The following JMY variants were observed in gnomAD, a reference collection of about 807,000 sequenced individuals.
JMY encodes the protein junction-mediating and -regulatory protein.
JMY carries 46 observed loss-of-function variants against 103.3 expected under a neutral mutation model. The observed-to-expected ratio is 0.45, with a 90% CI of 0.35 to 0.57. The LOEUF (loss-of-function observed/expected upper bound fraction) is 0.57, where lower values mean the gene tolerates loss of function less well. JMY is among the 20% of genes least tolerant of loss of function. JMY has a pLI of 0.00. For synonymous variants in JMY, 526 were observed against 489.3 expected (o/e 1.07, Z -0.99); for missense variants, 1,238 against 1,255.2 (o/e 0.99, Z 0.21).
intron 4 of JMY, among the ~76,000 whole-genome samples, chr5:79,298,641 A>C (rs1288796338): frequency 1.3e-5 from 2 of 152,254 alleles, no homozygotes; most frequent in African/African-American, 2.4e-5. Flanking sequence ...ACAGTCTTAC[A>C]CTTAGATAAT....
chr5:79,282,003 A>C (rs1334171536), intron 2 of JMY, among the ~76,000 whole-genome samples: 1 of 152,102 alleles, frequency 6.6e-6, no homozygotes, highest in Non-Finnish European at 1.5e-5. Flanking sequence ...CAGGAGATGG[A>C]GACCACACTG....
chr5:79,307,595 G>A (rs897542018), intron 7 of JMY, among the ~76,000 whole-genome samples: 20 of 152,022 alleles, frequency 1.3e-4, no homozygotes, highest in African/African-American at 4.6e-4. Flanking sequence ...ATGGACTCCT[G>A]TGCCTGGCTT....
In JMY at chr5:79,236,366, G is replaced by A. The variant is rs576109498; in HGVS notation, c.-285G>A. On this transcript the variant is annotated 5_prime_UTR_variant, in exon 1 of 11. Coordinates refer to ENST00000396137, the MANE Select transcript of JMY (RefSeq NM_152405.5). ...CGCGCGGGGGGCGGCGGGCGGCCGCGAGGCGCTGCGGCAGCGCGGAGCTTG... is the reference window on the plus strand; with the variant it reads ...CGCGCGGGGGGCGGCGGGCGGCCGCAAGGCGCTGCGGCAGCGCGGAGCTTG... 7 of 262,816 alleles carry A rather than the reference G, an allele frequency of 2.7e-5. No homozygotes were observed. In the South Asian group the frequency reaches 1.0e-3, roughly 38 times the overall value. The allele number at this position is 262,816 out of a possible 1,614,324, so 16.3% of individuals were successfully genotyped here.
At chr5:79,302,880 G>A (rs1310542216) in intron 6 of JMY, among the ~76,000 whole-genome samples, 2 of 152,186 alleles carry the variant, frequency 1.3e-5, no homozygotes, top group Non-Finnish European at 2.9e-5. Flanking sequence ...GGGTGCCTGT[G>A]CAGGGTAAGA....
chr5:79,251,625 ATT>A (rs796459953), intron 1 of JMY, among the ~76,000 whole-genome samples: 21 of 137,766 alleles, frequency 1.5e-4, no homozygotes, highest in Admixed American at 2.9e-4. Flanking sequence ...CATTCATTCT[ATT>A]TTTTTTTTTT....
intron 4 of JMY, among the ~76,000 whole-genome samples, chr5:79,296,689 A>C (rs537312186): frequency 1.3e-4 from 20 of 152,296 alleles, no homozygotes; most frequent in Non-Finnish European, 2.2e-4. Context: ...TGTTGACTGC[A>C]TATTTTCTGT....
intron 2 of JMY, among the ~76,000 whole-genome samples, chr5:79,283,104 G>A (rs149194111): frequency 0.03 from 4,622 of 152,004 alleles, 85 homozygotes; most frequent in South Asian, 0.062. Context: ...CAATTCTCCT[G>A]CCTCAGCCTC....
intron 1 of JMY, among the ~76,000 whole-genome samples, chr5:79,241,078 T>C (rs1053360804): frequency 3.3e-5 from 5 of 152,238 alleles, no homozygotes; most frequent in Admixed American, 3.3e-4. Context: ...TGGTCTTTTT[T>C]CCTACAGTAT....
chr5:79,316,547 C>T (rs137902698), intron 10 of JMY, among the ~76,000 whole-genome samples: 51 of 152,170 alleles, frequency 3.4e-4, no homozygotes, highest in African/African-American at 1.2e-3. Flanking sequence ...ATGTCCTCCT[C>T]ATTAAAAATT....
chr5:79,249,889 T>C (rs1473896068), intron 1 of JMY, among the ~76,000 whole-genome samples: 3 of 152,264 alleles, frequency 2.0e-5, no homozygotes, highest in South Asian at 2.1e-4. Flanking sequence ...GGTTCATACC[T>C]CACTTCTACT....
rs1580318254 is a variant in JMY at position 79,236,223 on chromosome 5, C to G, written c.-428C>G. The G allele has an allele frequency of 6.4e-6, 1 of 157,312 alleles. No individual in the cohort carries two copies. Among genetic ancestry groups the G allele is most frequent in the Admixed American group, 6.5e-5 (1 of 15,322 alleles). The allele number at this position is 157,312 out of a possible 1,614,324, so 9.7% of individuals were successfully genotyped here. On this transcript the variant is annotated 5_prime_UTR_variant, in exon 1 of 11. Transcript: ENST00000396137. The stretch of plus-strand genomic sequence containing the variant: ...GGCTCCGGGCTTTCTGCAGCAGCAC[C>G]AGGGGCGGGGGCGGGGATCTTGACC...
chr5:79,295,306 G>T (rs1746535330), intron 4 of JMY, among the ~76,000 whole-genome samples: 1 of 152,136 alleles, frequency 6.6e-6, no homozygotes, highest in South Asian at 2.1e-4. Flanking sequence ...AACCACATGT[G>T]GCTTGTGGCT....
intron 2 of JMY, among the ~76,000 whole-genome samples, chr5:79,281,006 A>T (rs1329953135): frequency 2.6e-5 from 4 of 151,300 alleles, no homozygotes; most frequent in Admixed American, 2.6e-4. Context: ...ATGTATTAGT[A>T]ATAGAAAAAA....
Position 79,236,769 on chromosome 5 carries a change from G to A in JMY, c.119G>A (p.Gly40Asp). 2.0e-6 allele frequency: 3 copies of A among 1,512,018 alleles called. No homozygotes were observed. Among genetic ancestry groups the A allele is most frequent in the East Asian group, 2.8e-5 (1 of 36,270 alleles). The allele number at this position is 1,512,018 out of a possible 1,614,324, so 93.7% of individuals were successfully genotyped here. ...VFIVAWNEIEGKFAITCHNRT... is the reference protein window; with the variant it reads ...VFIVAWNEIEDKFAITCHNRT... ...ATTGTGGCCTGGAACGAGATTGAGG[G>A]CAAGTTTGCCATAACCTGCCACAAC... is the stretch of plus-strand genomic sequence containing the variant. The change falls in exon 1 of 11, where the codon GGC becomes GAC. Residue 40 changes from glycine (G) to aspartate (D), a missense_variant. Transcript: ENST00000396137.
Position 79,314,534 on chromosome 5 carries a change from C to T in JMY, c.2342C>T (p.Pro781Leu), listed in dbSNP as rs1747145994. ...CTCAGTGGTGTTACCTCTGAACTGC[C>T]TCCCACTATATCTCTTCCACTTTTG... ...LPLSGVTSEL[P>L]PTISLPLLNN... Residue 781 changes from proline (P) to leucine (L), a missense_variant, in exon 9 of 11, where the codon CCT (proline) becomes CTT (leucine). Coordinates refer to ENST00000396137, the MANE Select transcript of JMY (RefSeq NM_152405.5). 4 of 1,614,128 alleles carry T rather than the reference C, an allele frequency of 2.5e-6. No homozygotes were observed. Among genetic ancestry groups the T allele is most frequent in the Non-Finnish European group, 1.7e-6 (2 of 1,180,022 alleles).
intron 10 of JMY, among the ~76,000 whole-genome samples, chr5:79,319,117 C>T (rs564266410): frequency 6.6e-6 from 1 of 152,322 alleles, no homozygotes; most frequent in East Asian, 1.9e-4. Flanking sequence ...TCCTCCCATC[C>T]CACCATATCC....
rs776092668 is a variant in JMY at position 79,314,745 on chromosome 5, C to T, written c.2553C>T (p.Ile851=). ...LPRKEGNEKR[I]PKSASAPSAH... ...GAAAGGAGGGGAATGAGAAGAGGAT[C>T]CCAAAGTCAGCCAGTGCCCCCTCAG... Residue 851 remains isoleucine (I), a synonymous_variant, in exon 9 of 11, where the codon ATC becomes ATT. Transcript: ENST00000396137. 1.2e-6 allele frequency: 2 copies of T among 1,611,566 alleles called. No individual in the cohort carries two copies. The highest frequency in any genetic ancestry group is 2.2e-5 in the East Asian group (1 of 44,696).
intron 4 of JMY, among the ~76,000 whole-genome samples, chr5:79,293,417 T>A (rs1034938097): frequency 1.1e-3 from 133 of 125,250 alleles, no homozygotes; most frequent in African/African-American, 2.1e-3. Flanking sequence ...TTTTTTTTTT[T>A]AAATTAATTT....
rs547573032 is a variant in JMY, at chr5:79,278,826, G to A, written c.1206+743G>A. Among the ~76,000 whole-genome samples the A allele has an allele frequency of 2.8e-4, 40 of 141,594 alleles. No individual in the cohort carries two copies. In the East Asian group the frequency reaches 6.8e-3, roughly 24 times the overall value. 92.9% of individuals were successfully genotyped at this position (141,594 alleles called of 152,430 possible). A position where few individuals can be genotyped will look rare whatever the true frequency, so the allele number is the denominator to read the frequency against. On this transcript the variant is annotated intron_variant, in intron 2 of 10. Transcript: ENST00000396137. ...TTTTTTTTTTTCGAGATGGGATCTC[G>A]CCATGTTGCCCAGGCTGGTCTGGAA...
Sources: allele counts gnomAD v4.1 joint callset (sites outside exome capture counted in the v4.1 genomes callset), GRCh38; gene constraint gnomAD v4.1.1; transcripts MANE v1.5; gene names NCBI Gene and HGNC (gene_info 2026-07-23, HGNC 2026-07-21).